The following FGF1 variants were observed in gnomAD, a reference collection of about 807,000 sequenced individuals.
FGF1 encodes the protein beta-endothelial cell growth factor.
Under a neutral mutation model 13.4 loss-of-function variants are expected in FGF1, and 9 were observed. The ratio of observed to expected loss-of-function variants is 0.67; its 90% CI spans 0.40 to 1.17. The LOEUF is 1.17. FGF1 is among the 50% of genes most tolerant of loss of function. The probability of loss-of-function intolerance (pLI) is 0.01; values close to 1 mark genes in which losing one functional copy is unlikely to be tolerated. For synonymous variants in FGF1, 93 were observed against 79.0 expected (o/e 1.18, Z -0.94); for missense variants, 156 against 192.7 (o/e 0.81, Z 1.13).
At chr5:142,646,214 T>TTTTTTG (rs1766060806) in intron 1 of FGF1, among the ~76,000 whole-genome samples, 1 of 128,710 alleles carries the variant, frequency 7.8e-6, no homozygotes, top group Non-Finnish European at 1.6e-5. Context: ...TGGCCTTTTT[T>TTTTTTG]TTTTTTTTTT....
chr5:142,677,560 C>A (rs979494030), intron 1 of FGF1, among the ~76,000 whole-genome samples: 1 of 152,300 alleles, frequency 6.6e-6, no homozygotes. Context: ...GAGGCCAGCC[C>A]ACCTGAGTTA....
chr5:142,689,697 T>G (rs1238399866), upstream of FGF1, among the ~76,000 whole-genome samples: 1 of 82,514 alleles, frequency 1.2e-5, no homozygotes, highest in Admixed American at 1.2e-4. Context: ...GATCCTAGTT[T>G]TTTTTTTTTT....
chr5:142,606,216 C>CTGTGTG lies in FGF1; in HGVS notation c.170-5412_170-5411insCACACA, dbSNP rs1475595559. Among the ~76,000 whole-genome samples, 299 of 73,592 alleles carry CTGTGTG rather than the reference C, an allele frequency of 4.1e-3. 2 individuals carry two copies. Among genetic ancestry groups the CTGTGTG allele is most frequent in the African/African-American group, 0.012 (278 of 23,634 alleles). 48.3% of individuals were successfully genotyped at this position (73,592 alleles called of 152,430 possible). A position where few individuals can be genotyped will look rare whatever the true frequency, so the allele number is the denominator to read the frequency against. On this transcript the variant is annotated intron_variant, in intron 2 of 3. Coordinates refer to ENST00000337706, the MANE Select transcript of FGF1 (RefSeq NM_000800.5). The stretch of plus-strand genomic sequence containing the variant: ...ACAAAATCTGCAACATTCTTTCTCT[C>CTGTGTG]TCTGTGTGTGTGTGTGTGTGTGTGT...
intron 2 of FGF1, among the ~76,000 whole-genome samples, chr5:142,606,378 A>T (rs1204437432): frequency 6.6e-6 from 1 of 151,950 alleles, no homozygotes; most frequent in Non-Finnish European, 1.5e-5. Flanking sequence ...TGCATTCAGG[A>T]GGCCGAGGCA....
rs547122813 is a variant in FGF1 at position 142,652,719 on chromosome 5, G to A, written c.-35+33238C>T. ...ACAGAAGCAGCCCAGTAGTGCTTGC[G>A]TCTGTCTGGGTCTGGCTGGAGGAGT... On this transcript the variant is annotated intron_variant, in intron 1 of 3. Coordinates refer to ENST00000337706, the MANE Select transcript of FGF1 (RefSeq NM_000800.5). Among the ~76,000 whole-genome samples the A allele has an allele frequency of 3.9e-4, 60 of 152,328 alleles. 1 individual carries two copies. Among genetic ancestry groups the A allele is most frequent in the African/African-American group, 9.9e-4 (41 of 41,574 alleles).
chr5:142,632,483 A>G (rs113513580), intron 1 of FGF1, among the ~76,000 whole-genome samples: 453 of 152,350 alleles, frequency 3.0e-3, no homozygotes, highest in African/African-American at 0.01. Context: ...TGTTTTATCA[A>G]TTCAACAAAG....
intron 1 of FGF1, among the ~76,000 whole-genome samples, chr5:142,684,254 G>T (rs926469560): frequency 6.6e-6 from 1 of 152,090 alleles, no homozygotes; most frequent in East Asian, 1.9e-4. Context: ...ATGGATGTCC[G>T]CCCACCATCT....
chr5:142,623,407 C>T (rs1247331607), intron 1 of FGF1, among the ~76,000 whole-genome samples: 4 of 150,964 alleles, frequency 2.6e-5, no homozygotes, highest in Non-Finnish European at 4.4e-5. Flanking sequence ...TGCAGTGGTG[C>T]GATCTCTGCT....
intron 1 of FGF1, among the ~76,000 whole-genome samples, chr5:142,681,079 C>T (rs1165181331): frequency 6.6e-6 from 1 of 152,224 alleles, no homozygotes; most frequent in Non-Finnish European, 1.5e-5. Flanking sequence ...CCCATGTTGA[C>T]ACAGCCCTGG....
At chr5:142,682,199 C>T (rs1233828882) in intron 1 of FGF1, among the ~76,000 whole-genome samples, 1 of 152,030 alleles carries the variant, frequency 6.6e-6, no homozygotes, top group Non-Finnish European at 1.5e-5. Flanking sequence ...GATTCTCCTG[C>T]CTCAGCCTCC....
At chr5:142,664,379 C>T (rs1004466388) in intron 1 of FGF1, among the ~76,000 whole-genome samples, 3 of 152,170 alleles carry the variant, frequency 2.0e-5, no homozygotes, top group South Asian at 2.1e-4. Context: ...TGGGCACGGA[C>T]GCCACTGCTC....
intron 1 of FGF1, among the ~76,000 whole-genome samples, chr5:142,683,821 CAAAAAAAA>C (rs768317949): frequency 4.0e-5 from 2 of 49,744 alleles, no homozygotes; most frequent in African/African-American, 8.6e-5. Flanking sequence ...AACTCTGTCT[CAAAAAAAA>C]AAAAAAAAAA....
intron 1 of FGF1, among the ~76,000 whole-genome samples, chr5:142,666,142 T>C (rs55736250): frequency 1 from 104,193 of 104,194 alleles, 52,096 homozygotes; most frequent in Middle Eastern, 1. Context: ...TTGATTGAAC[T>C]TTACCCAGTG....
intron 1 of FGF1, among the ~76,000 whole-genome samples, chr5:142,670,243 C>T (rs906328660): frequency 1.2e-4 from 19 of 152,142 alleles, no homozygotes; most frequent in Non-Finnish European, 2.5e-4. Flanking sequence ...CCTCACCTTC[C>T]ACTACGTCCT....
intron 1 of FGF1, among the ~76,000 whole-genome samples, chr5:142,652,751 C>G (rs1221367689): frequency 1.3e-5 from 2 of 152,226 alleles, no homozygotes; most frequent in Non-Finnish European, 2.9e-5. Context: ...GAGTGGGTGC[C>G]TCGGCGGTGG....
At chr5:142,648,843 G>A (rs562157006) in intron 1 of FGF1, among the ~76,000 whole-genome samples, 2 of 152,126 alleles carry the variant, frequency 1.3e-5, no homozygotes, top group South Asian at 4.2e-4. Context: ...GAATTTAATC[G>A]ATAGGACCAG....
chr5:142,637,336 T>C (rs78682279), intron 1 of FGF1, among the ~76,000 whole-genome samples: 2 of 151,046 alleles, frequency 1.3e-5, no homozygotes, highest in Admixed American at 6.6e-5. Context: ...TTTTTTTTTT[T>C]TGAGACAGAG....
Position 142,649,102 on chromosome 5 carries a change from T to A in FGF1, c.-34-34941A>T, listed in dbSNP as rs187940131. On this transcript the variant is annotated intron_variant, in intron 1 of 3. Transcript: ENST00000337706. ...ACAAATGTTCATGTTTTCTGGAATT[T>A]ACCTCAGATCTTTATTTATATAAAA... Among the ~76,000 whole-genome samples, 4 of 152,354 alleles carry A rather than the reference T, an allele frequency of 2.6e-5. No individual in the cohort carries two copies. The East Asian group carries it at 7.7e-4, about 29-fold the overall frequency.
intron 1 of FGF1, among the ~76,000 whole-genome samples, chr5:142,667,454 C>T (rs1470887129): frequency 7.9e-5 from 12 of 151,442 alleles, no homozygotes; most frequent in Non-Finnish European, 1.2e-4. Context: ...GGCGCGGTGG[C>T]GGGCGCCTGT....
Sources: gnomAD v4.1 joint callset for allele counts (sites outside exome capture counted in the v4.1 genomes callset) on GRCh38, gnomAD v4.1.1 for gene constraint, MANE v1.5 for transcripts, NCBI Gene and HGNC (gene_info 2026-07-23, HGNC 2026-07-21) for gene names.